Variants in IFT25 observed in about 807,000 individuals in gnomAD.
IFT25 encodes intraflagellar transport 25.
the IFT25 span, among the ~76,000 whole-genome samples, chr1:53,940,473 T>C: frequency 8.6e-5 from 13 of 151,912 alleles, no homozygotes; most frequent in Admixed American, 3.9e-4. Context: ...ATGGGACAAA[T>C]AGAAAACAAA....
chr1:53,933,425 C>A, the IFT25 span, among the ~76,000 whole-genome samples: 1 of 152,304 alleles, frequency 6.6e-6, no homozygotes, highest in South Asian at 2.1e-4. Flanking sequence ...TGAGCCACCG[C>A]ACCCAGCTAT....
the IFT25 span, among the ~76,000 whole-genome samples, chr1:53,917,514 TTCC>T: frequency 6.6e-6 from 1 of 152,008 alleles, no homozygotes; most frequent in South Asian, 2.1e-4. Context: ...ACAAGAAAAT[TTCC>T]TCAATTATCT....
At chr1:53,921,805 G>T in the IFT25 span, 2 of 1,282,630 alleles carry the variant, frequency 1.6e-6, no homozygotes, top group Non-Finnish European at 2.3e-6. Context: ...GCTTTTAGCA[G>T]TGCTAGTTAA....
At chr1:53,923,827 T>A in the IFT25 span, 1 of 871,974 alleles carries the variant, frequency 1.1e-6, no homozygotes, top group Non-Finnish European at 1.9e-6. Flanking sequence ...ATTTATTAAC[T>A]ATGACTATGG....
chr1:53,942,873 T>C, the IFT25 span, among the ~76,000 whole-genome samples: 10 of 152,348 alleles, frequency 6.6e-5, no homozygotes, highest in Middle Eastern at 3.4e-3. Context: ...GCTAACATCA[T>C]GTGACGCACA....
chr1:53,943,298 C>G, the IFT25 span, among the ~76,000 whole-genome samples: 2 of 152,130 alleles, frequency 1.3e-5, no homozygotes, highest in South Asian at 4.1e-4. Flanking sequence ...TGGTAGTTCT[C>G]TTAGGCTGAG....
chr1:53,941,795 C>T, the IFT25 span, among the ~76,000 whole-genome samples: 1 of 152,200 alleles, frequency 6.6e-6, no homozygotes, highest in African/African-American at 2.4e-5. Context: ...CATTAGTTTA[C>T]AAGCTATACC....
chr1:53,925,484 C>T, the IFT25 span, among the ~76,000 whole-genome samples: 163 of 150,670 alleles, frequency 1.1e-3, no homozygotes, highest in Non-Finnish European at 1.8e-3. Context: ...CACGGTGAAA[C>T]CCCATCTCTA....
chr1:53,944,308 A>C, the IFT25 span, among the ~76,000 whole-genome samples: 1 of 152,200 alleles, frequency 6.6e-6, no homozygotes, highest in African/African-American at 2.4e-5. Flanking sequence ...GTTCAAGACC[A>C]GCCTGGGCAA....
At chr1:53,923,584 T>C in the IFT25 span, 1 of 250,028 alleles carries the variant, frequency 4.0e-6, no homozygotes, top group African/African-American at 2.3e-5. Context: ...CCTTTTTTCA[T>C]TCCTATTCTA....
At chr1:53,921,344 A>C in the IFT25 span, among the ~76,000 whole-genome samples, 1 of 152,312 alleles carries the variant, frequency 6.6e-6, no homozygotes, top group South Asian at 2.1e-4. Flanking sequence ...CAATTAAAAA[A>C]TTAATGCACT....
the IFT25 span, among the ~76,000 whole-genome samples, chr1:53,929,309 A>C: frequency 6.6e-6 from 1 of 152,172 alleles, no homozygotes; most frequent in African/African-American, 2.4e-5. Flanking sequence ...CAGATCTCTG[A>C]TAACACTATT....
chr1:53,937,176 G>A, the IFT25 span, among the ~76,000 whole-genome samples: 2 of 152,202 alleles, frequency 1.3e-5, no homozygotes, highest in African/African-American at 4.8e-5. Context: ...GGAGTGCAGT[G>A]GCATGATCTC....
At chr1:53,919,559 C>G in the IFT25 span, among the ~76,000 whole-genome samples, 1 of 152,304 alleles carries the variant, frequency 6.6e-6, no homozygotes, top group Non-Finnish European at 1.5e-5. Context: ...CAGAAAAAAA[C>G]TGCCAGCATA....
the IFT25 span, chr1:53,930,038 C>A: frequency 6.5e-7 from 1 of 1,542,028 alleles, no homozygotes; most frequent in Non-Finnish European, 8.6e-7. Context: ...GATTTGCTTA[C>A]CAAAGTAACT....
chr1:53,919,796 CTTTT>C, the IFT25 span, among the ~76,000 whole-genome samples: 1 of 145,586 alleles, frequency 6.9e-6, no homozygotes, highest in African/African-American at 2.5e-5. Flanking sequence ...AACTTTTTTC[CTTTT>C]TTTTTTTGAG....
chr1:53,935,409 T>C, the IFT25 span, among the ~76,000 whole-genome samples: 1 of 152,094 alleles, frequency 6.6e-6, no homozygotes, highest in African/African-American at 2.4e-5. Context: ...CTAGTATGGA[T>C]GGGAAAATAC....
chr1:53,925,825 G>T, the IFT25 span, among the ~76,000 whole-genome samples: 1 of 151,514 alleles, frequency 6.6e-6, no homozygotes, highest in African/African-American at 2.4e-5. Flanking sequence ...TTTAGGCCAG[G>T]TGTGGTGGCT....
the IFT25 span, among the ~76,000 whole-genome samples, chr1:53,943,629 CT>C: frequency 2.8e-4 from 41 of 147,024 alleles, no homozygotes; most frequent in Non-Finnish European, 4.1e-4. Context: ...AGGGAGAGAA[CT>C]TTTTTTTTTT....
Sources: allele counts gnomAD v4.1 joint callset (sites outside exome capture counted in the v4.1 genomes callset), GRCh38; gene constraint gnomAD v4.1.1; transcripts MANE v1.5; gene names NCBI Gene and HGNC (gene_info 2026-07-23, HGNC 2026-07-21).